Variants in ATP11C observed in about 807,000 individuals in gnomAD.
ATP11C encodes ATPase phospholipid transporting 11C (ATP11C blood group).
Under a neutral mutation model 97.4 loss-of-function variants are expected in ATP11C, and 36 were observed. The ratio of observed to expected loss-of-function variants is 0.37; its 90% CI spans 0.28 to 0.49. The LOEUF (loss-of-function observed/expected upper bound fraction) is 0.49, where lower values mean the gene tolerates loss of function less well. Among genes scored for constraint, ATP11C ranks in the 20% least tolerant of loss-of-function variants. The pLI is 0.98. For synonymous variants in ATP11C, 275 were observed against 290.9 expected (o/e 0.95, Z 0.56); for missense variants, 730 against 824.6 (o/e 0.89, Z 1.40).
intron 23 of ATP11C, among the ~76,000 whole-genome samples, chrX:139,751,754 TA>T (rs1201524858): frequency 3.6e-5 from 4 of 110,120 alleles, no homozygotes; most frequent in Non-Finnish European, 7.6e-5. Flanking sequence ...ACTGCTTTTT[TA>T]TGAAACCTGT....
intron 1 of ATP11C, among the ~76,000 whole-genome samples, chrX:139,830,597 G>A (rs1210937660): frequency 4.5e-5 from 5 of 111,264 alleles, no homozygotes; most frequent in East Asian, 2.8e-4. Flanking sequence ...TCTTAAAACC[G>A]ACGTAATCCC....
chrX:139,931,536 G>A (rs2085433633), intron 1 of ATP11C, among the ~76,000 whole-genome samples: 1 of 112,647 alleles, frequency 8.9e-6, no homozygotes, highest in Non-Finnish European at 1.9e-5. Context: ...CCTAGGCAAG[G>A]CTGAGTCTTG....
intron 12 of ATP11C, among the ~76,000 whole-genome samples, chrX:139,792,271 TCATGGAAGCTC>T (rs1372271649): frequency 1.3e-4 from 14 of 111,202 alleles, no homozygotes; most frequent in African/African-American, 4.3e-4. Context: ...CCTAGAAAGG[TCATGGAAGCTC>T]CATGGAAGCT....
chrX:139,726,749 A>T lies in ATP11C; in HGVS notation c.*2217T>A, dbSNP rs1260952001. The stretch of plus-strand genomic sequence containing the variant: ...TTACAAAGACATTTTGATAGCTCAA[A>T]ATTATTCAAATTATAGGTAGATGAT... On this transcript the variant is annotated 3_prime_UTR_variant, in exon 30 of 30. Coordinates refer to ENST00000682941, the MANE Select transcript of ATP11C (RefSeq NM_001353812.2). The T allele has an allele frequency of 1.8e-5, 2 of 111,965 alleles. No homozygotes were observed. The highest frequency in any genetic ancestry group is 3.8e-5 in the Non-Finnish European group (2 of 53,110). The allele number at this position is 111,965 out of a possible 1,213,427, so 9.2% of individuals were successfully genotyped here.
At chrX:139,760,184 T>C (rs1280744826) in intron 22 of ATP11C, among the ~76,000 whole-genome samples, 1 of 112,181 alleles carries the variant, frequency 8.9e-6, no homozygotes, top group Admixed American at 9.4e-5. Context: ...TGAGCTCTAC[T>C]TTCCATGTAT....
intron 5 of ATP11C, among the ~76,000 whole-genome samples, chrX:139,809,256 T>C (rs899373796): frequency 2.3e-4 from 26 of 112,282 alleles, no homozygotes; most frequent in African/African-American, 8.1e-4. Context: ...AGTCAAAAGT[T>C]AGAAATAACT....
At chrX:139,821,818 C>T (rs909995687) in intron 2 of ATP11C, among the ~76,000 whole-genome samples, 9 of 112,241 alleles carry the variant, frequency 8.0e-5, no homozygotes, top group African/African-American at 2.3e-4. Flanking sequence ...TTTATTAAAA[C>T]TTGTGCCCTA....
intron 1 of ATP11C, among the ~76,000 whole-genome samples, chrX:139,890,142 C>G (rs2084705401): frequency 9.0e-6 from 1 of 110,869 alleles, no homozygotes; most frequent in African/African-American, 3.3e-5. Flanking sequence ...TTCTAAAACC[C>G]CTAAAGGGCT....
chrX:139,796,122 C>A (rs2082789042), intron 12 of ATP11C, 151 bp downstream of exon 12: 4 of 375,826 alleles, frequency 1.1e-5, no homozygotes, highest in Non-Finnish European at 1.8e-5. Context: ...TATGAAAACA[C>A]TGCTTACCTT....
chrX:139,737,408 G>A (rs772152633), intron 28 of ATP11C, among the ~76,000 whole-genome samples: 3 of 110,778 alleles, frequency 2.7e-5, no homozygotes, highest in Non-Finnish European at 5.7e-5. Context: ...CCACATCCAG[G>A]GAATTCTCTT....
At chrX:139,870,932 T>C (rs1306674137) in intron 1 of ATP11C, among the ~76,000 whole-genome samples, 1 of 107,901 alleles carries the variant, frequency 9.3e-6, no homozygotes, top group Non-Finnish European at 1.9e-5. Flanking sequence ...GGCGGGCGCC[T>C]GTAGTCCCAG....
chrX:139,728,366 T>C lies in ATP11C; in HGVS notation c.*600A>G, dbSNP rs2081283432. 8.9e-6 allele frequency: 1 copy of C among 112,516 alleles called. No individual in the cohort carries two copies. Among genetic ancestry groups the C allele is most frequent in the South Asian group, 3.7e-4 (1 of 2,706 alleles). 9.3% of individuals were successfully genotyped at this position (112,516 alleles called of 1,213,427 possible). ...AGGTATTTTTTTGGCAAGAATATTCTACCAAGACATTAGTAGCACATGGGT... is the reference window on the plus strand; with the variant it reads ...AGGTATTTTTTTGGCAAGAATATTCCACCAAGACATTAGTAGCACATGGGT... On this transcript the variant is annotated 3_prime_UTR_variant, in exon 30 of 30. Coordinates refer to ENST00000682941, the MANE Select transcript of ATP11C (RefSeq NM_001353812.2).
At chrX:139,892,940 T>C (rs929116551) in intron 1 of ATP11C, among the ~76,000 whole-genome samples, 1 of 111,452 alleles carries the variant, frequency 9.0e-6, no homozygotes, top group African/African-American at 3.3e-5. Flanking sequence ...TCAAAAGAGG[T>C]GCTCAAAAAT....
At chrX:139,783,330 G>A (rs1045032398) in intron 16 of ATP11C, 63 bp from the exon 17 acceptor site, 8 of 846,714 alleles carry the variant, frequency 9.4e-6, no homozygotes, top group Non-Finnish European at 1.4e-5. Context: ...GTTTTAGTAA[G>A]AGTAACTTTT....
rs184277943 is a variant in ATP11C at position 139,819,648 on chromosome X, C to A, written c.148-221G>T. On this transcript the variant is annotated intron_variant, in intron 2 of 29. Coordinates refer to ENST00000682941, the MANE Select transcript of ATP11C (RefSeq NM_001353812.2). The stretch of plus-strand genomic sequence containing the variant: ...GCTTTCATTCTACGCATTACAATAA[C>A]CATCTAGTCTCATACCTTTGCTTTC... Among the ~76,000 whole-genome samples, 398 of 112,403 alleles carry A rather than the reference C, an allele frequency of 3.5e-3. 6 individuals are homozygous for A. The highest frequency in any genetic ancestry group is 0.033 in the Admixed American group (356 of 10,659).
intron 18 of ATP11C, among the ~76,000 whole-genome samples, chrX:139,776,370 G>A (rs1179671820): frequency 1.8e-5 from 2 of 112,212 alleles, no homozygotes; most frequent in African/African-American, 6.5e-5. Flanking sequence ...CTGCAGAGTT[G>A]TCTGCTCTGA....
chrX:139,931,913 C>A, intron 1 of ATP11C, 103 bp downstream of exon 1: 1 of 970,591 alleles, frequency 1.0e-6, no homozygotes. Context: ...TGGTGTCTCC[C>A]AGAGACGTAA....
intron 1 of ATP11C, among the ~76,000 whole-genome samples, chrX:139,857,905 C>T (rs1338367408): frequency 8.9e-6 from 1 of 112,339 alleles, no homozygotes; most frequent in Non-Finnish European, 1.9e-5. Flanking sequence ...ATATCCCCTC[C>T]AAAACTCATG....
intron 4 of ATP11C, among the ~76,000 whole-genome samples, chrX:139,816,072 A>G (rs951434697): frequency 1.3e-4 from 14 of 111,972 alleles, no homozygotes; most frequent in Non-Finnish European, 2.6e-4. Flanking sequence ...ACACTTGATA[A>G]AATATTCTTA....
Sources: gnomAD v4.1 joint callset for allele counts (sites outside exome capture counted in the v4.1 genomes callset) on GRCh38, gnomAD v4.1.1 for gene constraint, MANE v1.5 for transcripts, NCBI Gene and HGNC (gene_info 2026-07-23, HGNC 2026-07-21) for gene names.